APBB2: variants seen among roughly 807,000 people sequenced by gnomAD.
The protein encoded by APBB2 is amyloid beta precursor protein binding family B member 2, also known as Fe65-like 1.
Under a neutral mutation model 82.5 loss-of-function variants are expected in APBB2, and 38 were observed. The observed-to-expected ratio is 0.46, with a 90% CI of 0.36 to 0.60. The LOEUF (loss-of-function observed/expected upper bound fraction) is 0.60. Ranked by LOEUF, APBB2 falls within the 20% of genes least tolerant of loss-of-function variation. The pLI, the probability that APBB2 is intolerant of heterozygous loss-of-function variation, is 0.00. For synonymous variants in APBB2, 341 were observed against 368.2 expected, an observed-to-expected ratio of 0.93 and a Z score of 0.85; for missense variants, 772 against 972.3, an observed-to-expected ratio of 0.79 and a Z score of 2.74.
intron 3 of APBB2, among the ~76,000 whole-genome samples, chr4:41,079,668 C>T (rs1211774129): frequency 6.6e-6 from 1 of 152,038 alleles, no homozygotes; most frequent in Non-Finnish European, 1.5e-5. Context: ...CCTGCCCCAC[C>T]CTCCCAAGTA....
chr4:41,175,655 A>G (rs888248249), intron 1 of APBB2, among the ~76,000 whole-genome samples: 2 of 152,322 alleles, frequency 1.3e-5, no homozygotes, highest in Admixed American at 6.5e-5. Flanking sequence ...ATATAAACAC[A>G]ATATTCAGAG....
chr4:40,984,080 A>C (rs1273790001), intron 6 of APBB2, among the ~76,000 whole-genome samples: 1 of 152,196 alleles, frequency 6.6e-6, no homozygotes, highest in African/African-American at 2.4e-5. Context: ...TTTAGAAGCA[A>C]AAGAAAGCAG....
chr4:41,166,159 C>G (rs1014461007), intron 1 of APBB2, among the ~76,000 whole-genome samples: 2 of 152,078 alleles, frequency 1.3e-5, no homozygotes, highest in Non-Finnish European at 2.9e-5. Flanking sequence ...CAGGGTCAGG[C>G]CCCCTTTTAA....
At chr4:41,044,594 T>G (rs2154449712) in intron 4 of APBB2, among the ~76,000 whole-genome samples, 1 of 152,348 alleles carries the variant, frequency 6.6e-6, no homozygotes, top group African/African-American at 2.4e-5. Context: ...TCTTTATGTC[T>G]GAAGGTCAAT....
chr4:40,830,615 A>G, intron 12 of APBB2, 38 bp from the exon 13 acceptor site: 1 of 1,248,874 alleles, frequency 8.0e-7, no homozygotes, highest in South Asian at 1.2e-5. Context: ...TAGTAAGAGA[A>G]GCTGATTACC....
chr4:41,150,874 G>A (rs1409441562), intron 1 of APBB2, among the ~76,000 whole-genome samples: 1 of 152,060 alleles, frequency 6.6e-6, no homozygotes, highest in Non-Finnish European at 1.5e-5. Context: ...CCGAGTAGCT[G>A]GGATACAGAC....
chr4:41,130,141 G>A (rs1158889043), intron 2 of APBB2, among the ~76,000 whole-genome samples: 2 of 152,196 alleles, frequency 1.3e-5, no homozygotes, highest in African/African-American at 2.4e-5. Context: ...AAAAGCCAGG[G>A]AGGCTGTGAT....
intron 12 of APBB2, among the ~76,000 whole-genome samples, chr4:40,865,373 C>CTT (rs1763802748): frequency 6.6e-6 from 1 of 152,176 alleles, no homozygotes; most frequent in Admixed American, 6.5e-5. Flanking sequence ...GAAACAGATA[C>CTT]TAAACCCATG....
intron 1 of APBB2, among the ~76,000 whole-genome samples, chr4:41,146,168 A>C (rs553450521): frequency 3.3e-5 from 5 of 152,216 alleles, no homozygotes; most frequent in African/African-American, 1.2e-4. Context: ...ACTTCTAAAA[A>C]TACATAAATT....
intron 6 of APBB2, among the ~76,000 whole-genome samples, chr4:40,982,376 AAGG>A (rs1358047319): frequency 0.019 from 296 of 15,470 alleles, 18 homozygotes; most frequent in African/African-American, 0.059. Flanking sequence ...GGAAGGAAGG[AAGG>A]AAGGAAGGAA....
intron 5 of APBB2, among the ~76,000 whole-genome samples, chr4:41,023,844 GGAACCAAAAAAA>G (rs746197703): frequency 1.1e-4 from 16 of 152,050 alleles, no homozygotes; most frequent in Non-Finnish European, 7.4e-5. Flanking sequence ...AAATTCATAT[GGAACCAAAAAAA>G]GAGTCCAATT....
chr4:41,101,687 C>G (rs1352879946), intron 2 of APBB2, among the ~76,000 whole-genome samples: 1 of 151,974 alleles, frequency 6.6e-6, no homozygotes, highest in Admixed American at 6.6e-5. Flanking sequence ...AGGCCAGGCA[C>G]GGTGGCTCAC....
chr4:40,954,551 T>G (rs1791076336), intron 6 of APBB2, among the ~76,000 whole-genome samples: 1 of 152,176 alleles, frequency 6.6e-6, no homozygotes, highest in Non-Finnish European at 1.5e-5. Flanking sequence ...GGAGGGCTTG[T>G]GAGAACGTAC....
At chr4:41,148,988 G>C (rs1203083376) in intron 1 of APBB2, among the ~76,000 whole-genome samples, 1 of 152,148 alleles carries the variant, frequency 6.6e-6, no homozygotes, top group Non-Finnish European at 1.5e-5. Context: ...ATGCAAAAGT[G>C]TTAAAAGGAA....
At chr4:41,177,646 T>C (rs1418056099) in intron 1 of APBB2, 4 of 152,178 alleles carry the variant, frequency 2.6e-5, no homozygotes, top group Non-Finnish European at 5.9e-5. Flanking sequence ...TGGGTCCAAG[T>C]CCCACCTACT....
At chr4:40,866,454 T>G (rs1764054256) in intron 12 of APBB2, among the ~76,000 whole-genome samples, 1 of 152,148 alleles carries the variant, frequency 6.6e-6, no homozygotes, top group Non-Finnish European at 1.5e-5. Flanking sequence ...AACAAGCTGC[T>G]ATTTTCACCC....
intron 12 of APBB2, among the ~76,000 whole-genome samples, chr4:40,847,075 G>A (rs1230370659): frequency 6.6e-6 from 1 of 152,096 alleles, no homozygotes; most frequent in East Asian, 1.9e-4. Context: ...TAAAGTTTAG[G>A]GTATAATGAA....
chr4:40,940,848 G>A (rs962910249), intron 7 of APBB2, among the ~76,000 whole-genome samples: 8 of 152,210 alleles, frequency 5.3e-5, no homozygotes, highest in East Asian at 1.9e-4. Flanking sequence ...GTGGCTCTCC[G>A]TTCTCTCTAA....
chr4:40,989,265 A>G (rs1277849524), intron 6 of APBB2, among the ~76,000 whole-genome samples: 3 of 152,148 alleles, frequency 2.0e-5, no homozygotes, highest in Non-Finnish European at 4.4e-5. Context: ...CAAAGCTCAG[A>G]GAGAATCGTT....
Sources: allele counts gnomAD v4.1 joint callset (sites outside exome capture counted in the v4.1 genomes callset), GRCh38; gene constraint gnomAD v4.1.1; transcripts MANE v1.5; gene names NCBI Gene and HGNC (gene_info 2026-07-23, HGNC 2026-07-21).